Variants in ANKLE2 observed in about 807,000 individuals in gnomAD.
ANKLE2 encodes ankyrin repeat and LEM domain-containing protein 2.
A neutral mutation model predicts 84.2 loss-of-function variants in ANKLE2; 55 were observed. The ratio of observed to expected loss-of-function variants is 0.65; its 90% confidence interval spans 0.53 to 0.82. ANKLE2 has a LOEUF of 0.82. ANKLE2 is among the 40% of genes least tolerant of loss of function. ANKLE2 has a pLI of 0.00. For missense variants in ANKLE2, 1,238 were observed against 1,201.9 expected (o/e 1.03, Z -0.44); for synonymous variants, 551 against 486.1 (o/e 1.13, Z -1.76).
chr12:132,738,829 T>C (rs2044065615), intron 7 of ANKLE2: 1 of 152,112 alleles, frequency 6.6e-6, no homozygotes, highest in South Asian at 2.1e-4. Context: ...CGGCTGCTTA[T>C]CATAGTTTTT....
Position 132,754,377 on chromosome 12 carries a change from G to A in ANKLE2, c.640+298C>T, listed in dbSNP as rs181716284. ...TTACACTGCATTTTAAAAAGGCGGAGATGACTAATCAACAAAGTTCCTAAC... is the reference window on the plus strand; with the variant it reads ...TTACACTGCATTTTAAAAAGGCGGAAATGACTAATCAACAAAGTTCCTAAC... On this transcript the variant is annotated intron_variant, in intron 2 of 12. Coordinates refer to ENST00000357997, the MANE Select transcript of ANKLE2 (RefSeq NM_015114.3). Among the ~76,000 whole-genome samples the A allele has an allele frequency of 6.6e-5, 10 of 152,302 alleles. No individual in the cohort carries two copies. In the East Asian group the frequency reaches 1.9e-3, roughly 29 times the overall value.
chr12:132,739,468 A>C (rs2044078471), intron 7 of ANKLE2, among the ~76,000 whole-genome samples: 1 of 152,226 alleles, frequency 6.6e-6, no homozygotes, highest in South Asian at 2.1e-4. Flanking sequence ...TGGCACAGGA[A>C]AAGAAGACAT....
chr12:132,728,483 C>T (rs896263789), intron 11 of ANKLE2, among the ~76,000 whole-genome samples: 31 of 152,208 alleles, frequency 2.0e-4, no homozygotes, highest in Admixed American at 7.9e-4. Flanking sequence ...CCACCTCGGC[C>T]TCCCAAAGTG....
intron 1 of ANKLE2, 108 bp downstream of exon 1, chr12:132,761,510 C>T: frequency 3.0e-6 from 3 of 988,616 alleles, no homozygotes; most frequent in Non-Finnish European, 2.6e-6. Context: ...GCCGCCTCGC[C>T]CAACTGCTGC....
At chr12:132,746,703 C>T (rs944231988) in intron 5 of ANKLE2, among the ~76,000 whole-genome samples, 2 of 152,106 alleles carry the variant, frequency 1.3e-5, no homozygotes, top group South Asian at 4.1e-4. Context: ...TTTCTTTGGA[C>T]TCAAGCTGAA....
intron 8 of ANKLE2, among the ~76,000 whole-genome samples, 159 bp from the exon 9 acceptor site, chr12:132,735,671 G>T (rs941798740): frequency 1.3e-5 from 2 of 152,216 alleles, no homozygotes; most frequent in African/African-American, 4.8e-5. Flanking sequence ...CCCACCTGTG[G>T]CATGGCTGAG....
Position 132,729,823 on chromosome 12 carries a change from G to T in ANKLE2, c.2339C>A (p.Ala780Glu), listed in dbSNP as rs775703008. ...VERDLLEPSP[A>E]DQLGNGHRRT... is the part of the protein sequence containing the mutation. The stretch of plus-strand genomic sequence containing the variant: ...CCTGTGGCCATTCCCGAGTTGGTCT[G>T]CGGGAGAAGGCTCTAACAAGTCTCT... The change falls in exon 11 of 13, where the codon GCA becomes GAA. Residue 780 changes from alanine (A) to glutamate (E), a missense_variant. Coordinates refer to ENST00000357997, the MANE Select transcript of ANKLE2 (RefSeq NM_015114.3). 6.2e-7 allele frequency: 1 copy of T among 1,613,390 alleles called. No homozygotes were observed. Among genetic ancestry groups the T allele is most frequent in the East Asian group, 2.2e-5 (1 of 44,816 alleles).
At chr12:132,758,699 ATT>A (rs2044536289) in intron 1 of ANKLE2, 1 of 151,854 alleles carries the variant, frequency 6.6e-6, no homozygotes, top group Admixed American at 6.6e-5. Context: ...ATTTTTTTGT[ATT>A]TTTAGTGGAG....
At chr12:132,751,277 C>T (rs945161986) in intron 2 of ANKLE2, 4 of 155,718 alleles carry the variant, frequency 2.6e-5, no homozygotes, top group African/African-American at 9.7e-5. Flanking sequence ...CGGAGTCTCG[C>T]TCTGTCGCTC....
At chr12:132,741,576 T>C in intron 6 of ANKLE2, 91 bp from the exon 7 acceptor site, 2 of 1,194,942 alleles carry the variant, frequency 1.7e-6, no homozygotes, top group Non-Finnish European at 2.5e-6. Context: ...TTAAACTCAG[T>C]AAAGTAGAAT....
Position 132,748,036 on chromosome 12 carries a change from A to G in ANKLE2, c.1042-16T>C, listed in dbSNP as rs2044276033. On this transcript the variant is annotated splice_polypyrimidine_tract_variant and intron_variant, in intron 4 of 12. Coordinates refer to ENST00000357997, the MANE Select transcript of ANKLE2 (RefSeq NM_015114.3). The stretch of plus-strand genomic sequence containing the variant: ...TGCACCCTTCCTGAAAGAGAACCGC[A>G]TGCTCTGAGCTTCCTATCTGATGTG... The G allele has an allele frequency of 5.0e-6, 8 of 1,597,404 alleles. No individual in the cohort carries two copies. Among genetic ancestry groups the G allele is most frequent in the East Asian group, 2.2e-5 (1 of 44,684 alleles).
Position 132,726,161 on chromosome 12 carries a change from T to C in ANKLE2, c.*1081A>G, listed in dbSNP as rs1275745929. On this transcript the variant is annotated 3_prime_UTR_variant, in exon 13 of 13. Transcript: ENST00000357997. ...CTGGAAATGTTCACAGAGAAACAAC[T>C]GTGTGAGCAGTTGCCCGTAACACCC... is the stretch of plus-strand genomic sequence containing the variant. 6.5e-6 allele frequency: 1 copy of C among 152,824 alleles called. No homozygotes were observed. The highest frequency in any genetic ancestry group is 2.4e-5 in the African/African-American group (1 of 41,474). The allele number at this position is 152,824 out of a possible 1,614,324, so 9.5% of individuals were successfully genotyped here.
chr12:132,727,258 T>A lies in ANKLE2; in HGVS notation c.2801A>T (p.Glu934Val). The change falls in exon 13 of 13, where the codon GAG (glutamate) becomes GTG (valine). Residue 934 changes from glutamate to valine, a missense_variant. Transcript: ENST00000357997. Reference sequence around the variant, plus strand: ...GCGCCAAGCCTACAGGGCGGCAAGCTCAGCCAGGCGCGCCATCCTGCGGAG... The same window carrying A: ...GCGCCAAGCCTACAGGGCGGCAAGCACAGCCAGGCGCGCCATCCTGCGGAG... ...SQLRRMARLAELAAL is the reference protein window; with the variant it reads ...SQLRRMARLAVLAAL 6.4e-7 allele frequency: 1 copy of A among 1,559,660 alleles called. No homozygotes were observed. The highest frequency in any genetic ancestry group is 2.4e-5 in the East Asian group (1 of 41,792).
At chr12:132,729,305 C>T (rs1223389690) in intron 11 of ANKLE2, among the ~76,000 whole-genome samples, 2 of 124,912 alleles carry the variant, frequency 1.6e-5, no homozygotes, top group Admixed American at 8.5e-5. Flanking sequence ...GAGCTGTGAT[C>T]GCACCACTGC....
rs2043700312 is a variant in ANKLE2 at position 132,726,455 on chromosome 12, G to T, written c.*787C>A. 6.6e-6 allele frequency: 1 copy of T among 152,208 alleles called. No homozygotes were observed. Among genetic ancestry groups the T allele is most frequent in the African/African-American group, 2.4e-5 (1 of 41,428 alleles). The allele number at this position is 152,208 out of a possible 1,614,324, so 9.4% of individuals were successfully genotyped here. ...TTGAAAACAGAACAATGTATAGACT[G>T]TATTACTGCTGCACTGGCTCCTGAA... On this transcript the variant is annotated 3_prime_UTR_variant, in exon 13 of 13. Transcript: ENST00000357997.
chr12:132,750,996 C>A, intron 2 of ANKLE2, 147 bp from the exon 3 acceptor site: 1 of 652,110 alleles, frequency 1.5e-6, no homozygotes, highest in Non-Finnish European at 2.6e-6. Flanking sequence ...AGAAAAAGGG[C>A]CTAAGCTAGC....
intron 1 of ANKLE2, chr12:132,756,389 G>A (rs954243280): frequency 2.0e-5 from 3 of 151,494 alleles, no homozygotes; most frequent in South Asian, 2.1e-4. Flanking sequence ...AAAATTACCC[G>A]AGCATAGTAG....
In ANKLE2 at chr12:132,743,546, A is replaced by C. The variant is rs1339648700; in HGVS notation, c.1231-270T>G. On this transcript the variant is annotated intron_variant, in intron 5 of 12. Transcript: ENST00000357997. This position sits in a 1 kb window ranked among gnomAD's most constrained non-coding sequence, Gnocchi z 4.1. ...TAATATTTAGTAGAGATGGGGTTTC[A>C]CCATATTGGTGAGACTGGTCTCGAA... 2.0e-5 allele frequency among the ~76,000 whole-genome samples: 3 copies of C among 149,206 alleles called. No homozygotes were observed. The highest frequency in any genetic ancestry group is 7.4e-5 in the African/African-American group (3 of 40,356).
chr12:132,734,073 T>TAA (rs372085055), intron 10 of ANKLE2: 81 of 443,358 alleles, frequency 1.8e-4, no homozygotes, highest in Admixed American at 2.2e-4. Flanking sequence ...GCATCTCCAC[T>TAA]AAAAAAAAAA....
Sources: gnomAD v4.1 joint callset for allele counts (sites outside exome capture counted in the v4.1 genomes callset) on GRCh38, gnomAD v4.1.1 for gene constraint, Gnocchi (gnomAD v3.1) non-coding constraint, MANE v1.5 for transcripts, NCBI Gene and HGNC (gene_info 2026-07-23, HGNC 2026-07-21) for gene names.